MMP8: variants seen among roughly 807,000 people sequenced by gnomAD.
MMP8 encodes neutrophil collagenase.
Under a neutral mutation model 51.2 loss-of-function variants are expected in MMP8, and 67 were observed. That is an observed-to-expected ratio of 1.31 (90% CI 1.08 to 1.60). The LOEUF is 1.60. Ranked by LOEUF, MMP8 falls within the 40% of genes most tolerant of loss-of-function variation. MMP8 has a pLI of 0.00. For missense variants in MMP8, 654 were observed against 558.1 expected (o/e 1.17, Z -1.73); for synonymous variants, 225 against 191.0 (o/e 1.18, Z -1.47).
intron 6 of MMP8, among the ~76,000 whole-genome samples, 196 bp downstream of exon 6, chr11:102,716,106 A>C (rs1042559992): frequency 6.6e-6 from 1 of 152,158 alleles, no homozygotes; most frequent in Non-Finnish European, 1.5e-5. Flanking sequence ...AATAGTCTTT[A>C]AAAGACGAAG....
intron 5 of MMP8, among the ~76,000 whole-genome samples, chr11:102,716,959 T>C (rs1371078541): frequency 6.6e-6 from 1 of 152,162 alleles, no homozygotes; most frequent in East Asian, 1.9e-4. Context: ...AGGGGTGTTG[T>C]TGGGGTGGGC....
At chr11:102,722,775 G>A (rs879557104) in intron 1 of MMP8, 102 bp from the exon 2 acceptor site, 29 of 1,473,836 alleles carry the variant, frequency 2.0e-5, no homozygotes, top group Non-Finnish European at 2.5e-5. Context: ...CTGATAACTT[G>A]ACAGCCACAG....
At chr11:102,721,318 TTG>T (rs5794191) in intron 4 of MMP8, 81 bp downstream of exon 4, 16,976 of 1,344,270 alleles carry the variant, frequency 0.013, 59 homozygotes, top group South Asian at 0.02. Context: ...GTTACCTTTA[TTG>T]TGTGTGTGTG....
In MMP8 at chr11:102,712,110, T is replaced by A. The variant is rs890886624; in HGVS notation, c.*1238A>T. 3.3e-5 allele frequency: 5 copies of A among 152,158 alleles called. No homozygotes were observed. Among genetic ancestry groups the A allele is most frequent in the Non-Finnish European group, 5.9e-5 (4 of 68,032 alleles). The allele number at this position is 152,158 out of a possible 1,614,324, so 9.4% of individuals were successfully genotyped here. A position where few individuals can be genotyped will look rare whatever the true frequency, so the allele number is the denominator to read the frequency against. ...AGCAAACTTACACATCTAAGCTCAG[T>A]TTAATGCAACTTAATGAGACATTGA... On this transcript the variant is annotated 3_prime_UTR_variant, in exon 10 of 10. Transcript: ENST00000236826.
Position 102,721,999 on chromosome 11 carries a change from C to T in MMP8, c.348-237G>A, listed in dbSNP as rs564799258. 3.3e-5 allele frequency among the ~76,000 whole-genome samples: 5 copies of T among 152,198 alleles called. No individual in the cohort carries two copies. In the East Asian group the frequency reaches 9.7e-4, roughly 29 times the overall value. On this transcript the variant is annotated intron_variant, in intron 2 of 9. Transcript: ENST00000236826. Reference sequence around the variant, plus strand: ...GAGGATACTAATATAGTATCCCTCTCATAGGGCTGCCGTGGGGATTAAATA... The same window carrying T: ...GAGGATACTAATATAGTATCCCTCTTATAGGGCTGCCGTGGGGATTAAATA...
rs1162406945 is a variant in MMP8, at chr11:102,713,811, T to C, written c.1237A>G (p.Ile413Val). 6 of 1,612,662 alleles carry C rather than the reference T, an allele frequency of 3.7e-6. No homozygotes were observed. Among genetic ancestry groups the C allele is most frequent in the Middle Eastern group, 1.6e-4 (1 of 6,066 alleles). ...QFMEPGYPKS[I>V]SGAFPGIESK... The stretch of plus-strand genomic sequence containing the variant: ...TCTATTCCTGGAAAGGCACCTGATA[T>C]GCTTTTGGGATAACCTGGCTCCATG... The change falls in exon 9 of 10, where the codon ATA (isoleucine) becomes GTA (valine). Residue 413 changes from isoleucine (I) to valine (V), a missense_variant. Transcript: ENST00000236826.
At chr11:102,724,481 C>G (rs1239764757) in intron 1 of MMP8, among the ~76,000 whole-genome samples, 1 of 152,110 alleles carries the variant, frequency 6.6e-6, no homozygotes, top group Non-Finnish European at 1.5e-5. Context: ...ATAAATAAAA[C>G]CATTTCTTCT....
chr11:102,722,653 G>T lies in MMP8; in HGVS notation c.123C>A (p.Tyr41Ter). Residue 41 changes from tyrosine to a stop codon, truncating the protein, a stop_gained, in exon 2 of 10, where the codon TAC becomes TAA. Coordinates refer to ENST00000236826, the MANE Select transcript of MMP8 (RefSeq NM_002424.3). LOFTEE classifies it high-confidence loss of function. ...ACTGATACTGGTTGCTTGGTAATTG[G>T]TAGAACTTTTCCAGGTAGTCCTGGA... ...KTVQDYLEKF[Y>*]QLPSNQYQST... 1 of 1,613,714 alleles carries T rather than the reference G, an allele frequency of 6.2e-7. No individual in the cohort carries two copies. Among genetic ancestry groups the T allele is most frequent in the Non-Finnish European group, 8.5e-7 (1 of 1,179,736 alleles).
intron 1 of MMP8, among the ~76,000 whole-genome samples, chr11:102,724,495 A>G (rs1388329074): frequency 6.6e-6 from 1 of 152,236 alleles, no homozygotes; most frequent in Non-Finnish European, 1.5e-5. Flanking sequence ...TTCTTCTACA[A>G]AAGTTTCCCA....
chr11:102,720,117 G>A (rs962913492), intron 4 of MMP8, among the ~76,000 whole-genome samples: 13 of 152,338 alleles, frequency 8.5e-5, no homozygotes, highest in African/African-American at 3.1e-4. Context: ...AATGGAATAC[G>A]TGAAATAAGA....
At chr11:102,716,509 G>C in intron 5 of MMP8, 90 bp from the exon 6 acceptor site, 1 of 720,368 alleles carries the variant, frequency 1.4e-6, no homozygotes, top group Non-Finnish European at 2.3e-6. Flanking sequence ...TTCTCAGAAA[G>C]GTGAAGGGTC....
In MMP8 at chr11:102,718,453, G is replaced by T. The variant is rs763010132; in HGVS notation, c.745C>A (p.Leu249Ile). 1.2e-6 allele frequency: 2 copies of T among 1,613,498 alleles called. No homozygotes were observed. The highest frequency in any genetic ancestry group is 2.2e-5 in the East Asian group (1 of 44,840). ...ATGCCATCGATGTCATCTTGAGGGA[G>T]TGAGTAGTTGCTGGTTTCCCTGAAA... is the stretch of plus-strand genomic sequence containing the variant. ...YAFRETSNYS[L>I]PQDDIDGIQA... The change falls in exon 5 of 10, where the codon CTC becomes ATC. Residue 249 changes from leucine to isoleucine, a missense_variant. Leu to Ile is a conservative substitution (Grantham distance 5). Transcript: ENST00000236826.
At position 102,712,665 on chromosome 11, in the gene MMP8, T is replaced by G. The variant is rs188254358; in HGVS notation, c.*683A>C. The stretch of plus-strand genomic sequence containing the variant: ...CATACGGCCTCCTCCCCTAGGTGAC[T>G]ATGCCTCTCTTCTTCTTATAAGAAC... On this transcript the variant is annotated 3_prime_UTR_variant, in exon 10 of 10. Transcript: ENST00000236826. 2 of 152,196 alleles carry G rather than the reference T, an allele frequency of 1.3e-5. No homozygotes were observed. Among genetic ancestry groups the G allele is most frequent in the East Asian group, 3.8e-4 (2 of 5,196 alleles). The allele number at this position is 152,196 out of a possible 1,614,324, so 9.4% of individuals were successfully genotyped here. A position where few individuals can be genotyped will look rare whatever the true frequency, so the allele number is the denominator to read the frequency against.
chr11:102,713,907 GA>G lies in MMP8; in HGVS notation c.1191-51del, dbSNP rs768715520. On this transcript the variant is annotated intron_variant, in intron 8 of 9. Transcript: ENST00000236826. ...ATTTAACACCAATACAGAATATAACGAAAAAAATTTTTTTTATTGTATATAA... is the reference window on the plus strand; with the variant it reads ...ATTTAACACCAATACAGAATATAACGAAAAAATTTTTTTTATTGTATATAA... The G allele has an allele frequency of 6.1e-5, 86 of 1,413,474 alleles. 1 individual carries two copies. The highest frequency in any genetic ancestry group is 4.4e-4 in the Admixed American group (19 of 43,436). The allele number at this position is 1,413,474 out of a possible 1,614,324, so 87.6% of individuals were successfully genotyped here.
intron 2 of MMP8, 51 bp from the exon 3 acceptor site, chr11:102,721,813 T>C (rs771362423): frequency 6.3e-7 from 1 of 1,589,952 alleles, no homozygotes; most frequent in South Asian, 1.1e-5. Flanking sequence ...AGAACAGTAG[T>C]CCATCAACTG....
chr11:102,713,706 A>T, intron 9 of MMP8, 48 bp downstream of exon 9: 1 of 1,490,340 alleles, frequency 6.7e-7, no homozygotes, highest in Non-Finnish European at 9.2e-7. Context: ...TCTCCTCTAT[A>T]ATAAACAAAC....
Position 102,722,520 on chromosome 11 carries a change from T to C in MMP8, c.256A>G (p.Met86Val). 1 of 1,613,926 alleles carries C rather than the reference T, an allele frequency of 6.2e-7. No homozygotes were observed. ...GKPNEETLDM[M>V]KKPRCGVPDS... is the part of the protein sequence containing the mutation. The stretch of plus-strand genomic sequence containing the variant: ...GGCACTCCACAGCGAGGCTTTTTCA[T>C]CATGTCCAGAGTTTCCTCATTTGGC... Residue 86 changes from methionine to valine, a missense_variant, in exon 2 of 10, where the codon ATG becomes GTG. By Grantham distance (21) the Met-to-Val change is conservative. Transcript: ENST00000236826.
chr11:102,716,300 A>G lies in MMP8; in HGVS notation c.902+2T>C, dbSNP rs1212042433. The G allele has an allele frequency of 5.8e-6, 9 of 1,560,768 alleles. No homozygotes were observed. The highest frequency in any genetic ancestry group is 6.1e-6 in the Non-Finnish European group (7 of 1,139,780). On this transcript the variant is annotated splice_donor_variant, in intron 6 of 9. Transcript: ENST00000236826. LOFTEE classifies it high-confidence loss of function. ...AAAGGAAGAAATATTTCAATTTTAT[A>G]CCTGTCTTTAAAGAAAAGTATTTCT... is the stretch of plus-strand genomic sequence containing the variant.
At chr11:102,715,552 A>T in intron 6 of MMP8, 115 bp from the exon 7 acceptor site, 2 of 1,348,808 alleles carry the variant, frequency 1.5e-6, no homozygotes, top group Non-Finnish European at 2.0e-6. Flanking sequence ...AGAATATAAC[A>T]ATCGAACGAA....
Sources: gnomAD v4.1 joint callset for allele counts (sites outside exome capture counted in the v4.1 genomes callset) on GRCh38, gnomAD v4.1.1 for gene constraint, MANE v1.5 for transcripts, NCBI Gene and HGNC (gene_info 2026-07-23, HGNC 2026-07-21) for gene names.